DCDC1: variants seen among roughly 807,000 people sequenced by gnomAD.
DCDC1 encodes the protein doublecortin domain containing 1, also known as doublecortin domain-containing protein 1.
DCDC1 carries 200 observed loss-of-function variants against 178.3 expected under a neutral mutation model. The observed-to-expected ratio is 1.12, with a 90% CI of 1.00 to 1.26. The LOEUF (loss-of-function observed/expected upper bound fraction) is 1.26, where lower values mean the gene tolerates loss of function less well. Ranked by LOEUF, DCDC1 falls within the 50% of genes most tolerant of loss-of-function variation. The probability of loss-of-function intolerance (pLI) is 0.00; values close to 1 mark genes in which losing one functional copy is unlikely to be tolerated. For missense variants in DCDC1, 1,983 were observed against 1,749.2 expected (o/e 1.13, Z -2.38); for synonymous variants, 690 against 604.8 (o/e 1.14, Z -2.07).
At chr11:31,333,953 GATA>G (rs1565624337) in intron 2 of DCDC1, among the ~76,000 whole-genome samples, 1 of 152,122 alleles carries the variant, frequency 6.6e-6, no homozygotes, top group Non-Finnish European at 1.5e-5. Context: ...AGTTCTCCTG[GATA>G]ATATCCTGAA....
intron 20 of DCDC1, among the ~76,000 whole-genome samples, chr11:30,970,794 G>A (rs1014279553): frequency 6.6e-6 from 1 of 152,206 alleles, no homozygotes; most frequent in South Asian, 2.1e-4. Context: ...TCAGGGACCT[G>A]GGGATTACCC....
intron 8 of DCDC1, among the ~76,000 whole-genome samples, chr11:31,250,415 C>CACACACACATATATATAT (rs1223526182): frequency 1.4e-5 from 1 of 73,734 alleles, no homozygotes; most frequent in African/African-American, 5.2e-5. Flanking sequence ...CACACACACA[C>CACACACACATATATATAT]ATATACATAT....
chr11:30,940,334 T>C (rs1947551142), intron 21 of DCDC1, among the ~76,000 whole-genome samples: 1 of 152,182 alleles, frequency 6.6e-6, no homozygotes, highest in Non-Finnish European at 1.5e-5. Context: ...CCCCCAGTTG[T>C]TATGATTGCC....
At chr11:31,358,275 A>G (rs1951503451) in intron 1 of DCDC1, among the ~76,000 whole-genome samples, 2 of 152,200 alleles carry the variant, frequency 1.3e-5, no homozygotes, top group African/African-American at 4.8e-5. Context: ...GCCCTCAGAA[A>G]TAATGCTGCA....
chr11:31,036,432 T>G (rs1026185883), intron 20 of DCDC1, among the ~76,000 whole-genome samples: 11 of 152,160 alleles, frequency 7.2e-5, no homozygotes, highest in Non-Finnish European at 1.5e-5. Context: ...GAAAAAGTCA[T>G]CACTAAGCCC....
At position 31,001,386 on chromosome 11, in the gene DCDC1, C is replaced by A. The variant is rs1300595012; in HGVS notation, c.2592-48818G>T. ...AAAATAATATGTCCTTCCATTTGAA[C>A]AGAAACACTAAGAAATCTTTTGCCT... On this transcript the variant is annotated intron_variant, in intron 20 of 38. Transcript: ENST00000684477. Among the ~76,000 whole-genome samples the A allele has an allele frequency of 2.0e-5, 3 of 152,044 alleles. No individual in the cohort carries two copies. The East Asian group carries it at 5.8e-4, about 29-fold the overall frequency.
chr11:31,164,948 A>G (rs979630767), intron 9 of DCDC1, among the ~76,000 whole-genome samples: 1 of 152,122 alleles, frequency 6.6e-6, no homozygotes, highest in Admixed American at 6.5e-5. Context: ...CTTTTCTATC[A>G]TGTTTTTACT....
intron 9 of DCDC1, among the ~76,000 whole-genome samples, chr11:31,174,094 CAGGCATCCCTGTGCTCTTGGG>C (rs1468915724): frequency 2.6e-5 from 4 of 152,164 alleles, no homozygotes; most frequent in Non-Finnish European, 5.9e-5. Flanking sequence ...GCTGCAGACC[CAGGCATCCCTGTGCTCTTGGG>C]AGCCAGGAGC....
At chr11:30,925,516 G>A in intron 22 of DCDC1, 108 bp from the exon 23 acceptor site, 1 of 929,020 alleles carries the variant, frequency 1.1e-6, no homozygotes, top group Non-Finnish European at 1.7e-6. Flanking sequence ...AACTCTCTCT[G>A]CAGGACTGTT....
intron 9 of DCDC1, among the ~76,000 whole-genome samples, chr11:31,190,660 GA>G (rs1327853912): frequency 6.6e-6 from 1 of 152,020 alleles, no homozygotes. Context: ...ACAGTGTGTA[GA>G]AATATCTATT....
chr11:30,923,938 A>G (rs1433094394), intron 23 of DCDC1, among the ~76,000 whole-genome samples: 1 of 152,116 alleles, frequency 6.6e-6, no homozygotes, highest in Non-Finnish European at 1.5e-5. Flanking sequence ...ATTTTGAACA[A>G]CGGATTTCTT....
chr11:31,035,571 A>C lies in DCDC1; in HGVS notation c.2591+28898T>G, dbSNP rs567348745. 6.5e-4 allele frequency among the ~76,000 whole-genome samples: 99 copies of C among 152,348 alleles called. 1 individual carries two copies. Among genetic ancestry groups the C allele is most frequent in the Admixed American group, 6.5e-3 (99 of 15,300 alleles). On this transcript the variant is annotated intron_variant, in intron 20 of 38. Transcript: ENST00000684477. ...CCACAGAGCTGTGTGTGCCCTTCTC[A>C]TCCCATCGTCTCAGAAGGCACATGC...
chr11:31,055,078 A>C (rs1045337326), intron 20 of DCDC1, among the ~76,000 whole-genome samples: 3 of 152,202 alleles, frequency 2.0e-5, no homozygotes, highest in Non-Finnish European at 4.4e-5. Context: ...AAATCTTTAC[A>C]ATCTATACAT....
rs561811174 is a variant in DCDC1 at position 31,146,419 on chromosome 11, T to A, written c.1222-8635A>T. On this transcript the variant is annotated intron_variant, in intron 9 of 38. Coordinates refer to ENST00000684477, the MANE Select transcript of DCDC1 (RefSeq NM_001387274.1). ...TTAAATAGTTATTTTAGGTCATGAT[T>A]TCTCTCAGAAAGCCTCTCCTTTTCC... 2.6e-5 allele frequency among the ~76,000 whole-genome samples: 4 copies of A among 152,210 alleles called. No individual in the cohort carries two copies. The East Asian group carries it at 7.7e-4, about 29-fold the overall frequency.
intron 20 of DCDC1, among the ~76,000 whole-genome samples, chr11:31,025,804 G>A (rs1376702822): frequency 6.6e-6 from 1 of 151,588 alleles, no homozygotes; most frequent in African/African-American, 2.4e-5. Flanking sequence ...CAATAAATAT[G>A]GCAAATAAGC....
chr11:31,149,240 G>T (rs1412715652), intron 9 of DCDC1, among the ~76,000 whole-genome samples: 3 of 152,150 alleles, frequency 2.0e-5, no homozygotes, highest in African/African-American at 7.2e-5. Flanking sequence ...GTACCCAGTA[G>T]TAGTGAGAGG....
In DCDC1 at chr11:30,881,323, G is replaced by T; in HGVS notation, c.5083-15C>A. On this transcript the variant is annotated splice_polypyrimidine_tract_variant and intron_variant, in intron 36 of 38. Transcript: ENST00000684477. ...TCTTGCAGCAGCTGAGACACAGAGG[G>T]ACAGCCACATTTGAATACGGAATGG... is the stretch of plus-strand genomic sequence containing the variant. The T allele has an allele frequency of 6.2e-7, 1 of 1,611,746 alleles. No individual in the cohort carries two copies. The highest frequency in any genetic ancestry group is 8.5e-7 in the Non-Finnish European group (1 of 1,178,924).
chr11:31,277,547 A>G (rs1354889125), intron 7 of DCDC1, among the ~76,000 whole-genome samples: 1 of 152,138 alleles, frequency 6.6e-6, no homozygotes, highest in African/African-American at 2.4e-5. Context: ...AGCTAAATAT[A>G]AGATTTGCTA....
chr11:30,908,998 T>G lies in DCDC1; in HGVS notation c.3866A>C (p.Tyr1289Ser), dbSNP rs369309315. ...CACAGATGATGTACAGACACCAGCA[T>G]AATTTGCTGATGTAATTTCCTTATC... The part of the protein sequence containing the change: ...ALDKEITSAN[Y>S]AGVCTSSVIK... The change falls in exon 29 of 39, where the codon TAT (tyrosine) becomes TCT (serine). Residue 1289 changes from tyrosine to serine, a missense_variant. Physicochemically the swap from Tyr to Ser is moderately radical, Grantham distance 144. Coordinates refer to ENST00000684477, the MANE Select transcript of DCDC1 (RefSeq NM_001387274.1). 1.8e-4 allele frequency: 298 copies of G among 1,611,070 alleles called. No individual in the cohort carries two copies. Among genetic ancestry groups the G allele is most frequent in the Non-Finnish European group, 2.3e-4 (275 of 1,178,102 alleles).
Sources: gnomAD v4.1 joint callset for allele counts (sites outside exome capture counted in the v4.1 genomes callset) on GRCh38, gnomAD v4.1.1 for gene constraint, MANE v1.5 for transcripts, NCBI Gene and HGNC (gene_info 2026-07-23, HGNC 2026-07-21) for gene names.